SOD2: variants seen among roughly 807,000 people sequenced by gnomAD.
SOD2 encodes superoxide dismutase 2.
A neutral mutation model predicts 27.0 loss-of-function variants in SOD2; 11 were observed. The observed-to-expected ratio is 0.41, with a 90% confidence interval of 0.26 to 0.67. The LOEUF is 0.67. Among genes scored for constraint, SOD2 ranks in the 30% least tolerant of loss-of-function variants. The probability of loss-of-function intolerance (pLI) is 0.34; values close to 1 mark genes in which losing one functional copy is unlikely to be tolerated. For missense variants in SOD2, 250 were observed against 274.5 expected (o/e 0.91, Z 0.63); for synonymous variants, 105 against 103.0 (o/e 1.02, Z -0.12).
intron 1 of SOD2, among the ~76,000 whole-genome samples, chr6:159,737,719 C>T (rs548173067): frequency 1.2e-4 from 18 of 152,036 alleles, no homozygotes; most frequent in East Asian, 3.9e-4. Context: ...CTTGAACTCC[C>T]GAGTTCAAGA....
chr6:159,728,094 GA>G (rs1268979657), upstream of SOD2, among the ~76,000 whole-genome samples: 2 of 152,156 alleles, frequency 1.3e-5, no homozygotes, highest in East Asian at 3.9e-4. Context: ...GTTCAGCAAG[GA>G]AAAAAAGAAA....
chr6:159,691,499 A>G (rs1777185776), intron 2 of SOD2: 1 of 152,256 alleles, frequency 6.6e-6, no homozygotes, highest in African/African-American at 2.4e-5. Flanking sequence ...AATTCAAAAC[A>G]TTTAAGGAAA....
chr6:159,756,837 C>T (rs1236609258), intron 1 of SOD2, among the ~76,000 whole-genome samples: 1 of 152,094 alleles, frequency 6.6e-6, no homozygotes, highest in Non-Finnish European at 1.5e-5. Context: ...CTCCTGGCCC[C>T]AAGGGATCCT....
At chr6:159,710,285 A>G (rs888450662) in intron 1 of SOD2, among the ~76,000 whole-genome samples, 1 of 149,146 alleles carries the variant, frequency 6.7e-6, no homozygotes, top group Non-Finnish European at 1.5e-5. Context: ...ATATATATAT[A>G]TATAAAATAC....
intron 1 of SOD2, among the ~76,000 whole-genome samples, chr6:159,722,568 A>G (rs928041940): frequency 2.6e-5 from 4 of 152,086 alleles, no homozygotes; most frequent in African/African-American, 9.7e-5. Context: ...TTTGCAATCA[A>G]TTGTATTCAT....
chr6:159,712,089 CACCTCCATAACCACCACTCAGCTGCTCAG>C, intron 1 of SOD2, among the ~76,000 whole-genome samples: 3 of 43,744 alleles, frequency 6.9e-5, no homozygotes, highest in African/African-American at 1.8e-4. Flanking sequence ...CCTCCATAAC[CACCTCCATAACCACCACTCAGCTGCTCAG>C]ACCTCCATAA....
At chr6:159,730,046 A>G (rs1778472001), upstream of SOD2, among the ~76,000 whole-genome samples, 2 of 152,192 alleles carry the variant, frequency 1.3e-5, no homozygotes, top group South Asian at 4.1e-4. Context: ...CTACATAAAT[A>G]ACTGAAACTT....
rs1463826156 is a variant in SOD2 at position 159,692,803 on chromosome 6, G to A, written c.84C>T (p.Leu28=). The change falls in exon 2 of 5, where the codon CTC becomes CTT. Residue 28 remains leucine, a synonymous_variant. Transcript: ENST00000538183. ...CGCCGTAGTCGTAGGGCAGGTCGGG[G>A]AGGCTGTGCTTCTGCCTGGAGCCCA... ...GYLGSRQKHS[L]PDLPYDYGAL... 1.2e-6 allele frequency: 2 copies of A among 1,613,906 alleles called. No individual in the cohort carries two copies. The highest frequency in any genetic ancestry group is 1.3e-5 in the African/African-American group (1 of 74,936).
At chr6:159,732,747 C>T (rs1778651324) in intron 1 of SOD2, among the ~76,000 whole-genome samples, 1 of 152,074 alleles carries the variant, frequency 6.6e-6, no homozygotes, top group African/African-American at 2.4e-5. Context: ...TCGCTTGAAT[C>T]CAGGCGGTGG....
At position 159,761,771 on chromosome 6, in the gene SOD2, G is replaced by C. The variant is rs73601346; in HGVS notation, c.-1070C>G. The C allele has an allele frequency of 4.5e-3, 1,366 of 302,390 alleles. 22 individuals are homozygous for C. The highest frequency in any genetic ancestry group is 0.027 in the African/African-American group (1,200 of 44,544). The allele number at this position is 302,390 out of a possible 1,614,324, so 18.7% of individuals were successfully genotyped here. A position where few individuals can be genotyped will look rare whatever the true frequency, so the allele number is the denominator to read the frequency against. On this transcript the variant is annotated 5_prime_UTR_variant, in exon 1 of 8. Transcript: ENST00000546087. ...GGTGTCCAGAAACACTGGGGTTTCA[G>C]GCGCTCTGTAAATGCGTCCGAGGTC...
In SOD2 at chr6:159,675,057, T is replaced by C. The variant is rs897599585; in HGVS notation, c.*7436A>G. ...ACTTACAAGGGATGTGAAGGACCTC[T>C]TCAAGGAGAACTACAAACCACTGCT... On this transcript the variant is annotated 3_prime_UTR_variant, in exon 5 of 5. Transcript: ENST00000538183. The C allele has an allele frequency of 1.3e-5, 2 of 152,090 alleles. No homozygotes were observed. Among genetic ancestry groups the C allele is most frequent in the Non-Finnish European group, 2.9e-5 (2 of 68,028 alleles). The allele number at this position is 152,090 out of a possible 1,614,324, so 9.4% of individuals were successfully genotyped here.
Position 159,683,095 on chromosome 6 carries a change from T to C in SOD2, c.524-457A>G, listed in dbSNP as rs970932783. Among the ~76,000 whole-genome samples, 7 of 152,144 alleles carry C rather than the reference T, an allele frequency of 4.6e-5. No homozygotes were observed. In the East Asian group the frequency reaches 1.3e-3, roughly 29 times the overall value. On this transcript the variant is annotated intron_variant, in intron 4 of 4. Transcript: ENST00000538183. ...CTCTGCTCCCCAAGGCTAATTTTAATCTTTGGGAATACAGAGCAGTTGGAG... is the reference window on the plus strand; with the variant it reads ...CTCTGCTCCCCAAGGCTAATTTTAACCTTTGGGAATACAGAGCAGTTGGAG...
intron 1 of SOD2, among the ~76,000 whole-genome samples, chr6:159,750,767 A>G (rs1184691644): frequency 2.6e-5 from 4 of 152,260 alleles, no homozygotes; most frequent in Non-Finnish European, 5.9e-5. Flanking sequence ...TTTTTTCTAT[A>G]AAATTGGCTG....
At position 159,711,647 on chromosome 6, in the gene SOD2, CAAT is replaced by C. The variant is rs1562437420; in HGVS notation, c.-116+15479_-116+15481del. ...CTGCTCTGACCACCATAACCACCTC[CAAT>C]ACCACCACTCACATTGCTCTGATCA... On this transcript the variant is annotated intron_variant, in intron 1 of 2. Transcript: ENST00000401980. Among the ~76,000 whole-genome samples the C allele has an allele frequency of 7.8e-4, 31 of 39,694 alleles. 10 individuals are homozygous for C. Among genetic ancestry groups the C allele is most frequent in the African/African-American group, 1.6e-3 (16 of 10,050 alleles). 26.0% of individuals were successfully genotyped at this position (39,694 alleles called of 152,430 possible).
upstream of SOD2, chr6:159,730,934 A>G (rs1290879876): frequency 6.6e-6 from 1 of 152,206 alleles, no homozygotes; most frequent in Admixed American, 6.5e-5. Context: ...GTTGGAGACC[A>G]GCCTGGCCAA....
chr6:159,726,535 T>C (rs974297028), intron 1 of SOD2: 3 of 339,924 alleles, frequency 8.8e-6, no homozygotes, highest in African/African-American at 2.2e-5. Flanking sequence ...AGTAAGTGTT[T>C]AGAGACTGTT....
upstream of SOD2, among the ~76,000 whole-genome samples, chr6:159,727,989 C>T (rs1210195017): frequency 6.6e-6 from 1 of 152,258 alleles, no homozygotes; most frequent in Non-Finnish European, 1.5e-5. Context: ...GGATGCCCTC[C>T]CCGGGCTGAG....
intron 1 of SOD2, among the ~76,000 whole-genome samples, chr6:159,710,752 CT>C (rs1777722133): frequency 6.7e-6 from 1 of 150,260 alleles, no homozygotes; most frequent in Non-Finnish European, 1.5e-5. Context: ...ATAACCACCA[CT>C]CATACTGCTC....
At chr6:159,742,623 TCTCA>T (rs1779327299) in intron 1 of SOD2, among the ~76,000 whole-genome samples, 2 of 152,192 alleles carry the variant, frequency 1.3e-5, no homozygotes, top group Non-Finnish European at 2.9e-5. Flanking sequence ...GCCATTTTAG[TCTCA>T]CTTTTTACTG....
Sources: gnomAD v4.1 joint callset for allele counts (sites outside exome capture counted in the v4.1 genomes callset) on GRCh38, gnomAD v4.1.1 for gene constraint, MANE v1.5 for transcripts, NCBI Gene and HGNC (gene_info 2026-07-23, HGNC 2026-07-21) for gene names.